Variants in VPS72 observed in about 807,000 individuals in gnomAD.
VPS72 encodes the protein vacuolar protein sorting 72 homolog, also known as vacuolar protein sorting-associated protein 72 homolog.
Under a neutral mutation model 38.9 loss-of-function variants are expected in VPS72, and 27 were observed. That is an observed-to-expected ratio of 0.69 (90% CI 0.51 to 0.96). The LOEUF is 0.96. VPS72 is among the 40% of genes least tolerant of loss of function. The pLI, the probability that VPS72 is intolerant of heterozygous loss-of-function variation, is 0.00. For synonymous variants in VPS72, 173 were observed against 186.3 expected, an observed-to-expected ratio of 0.93 and a Z score of 0.58; for missense variants, 360 against 479.5, an observed-to-expected ratio of 0.75 and a Z score of 2.33.
chr1:151,189,270 G>T (rs1197847464), intron 1 of VPS72, among the ~76,000 whole-genome samples: 1 of 152,128 alleles, frequency 6.6e-6, no homozygotes, highest in Non-Finnish European at 1.5e-5. Flanking sequence ...TATTACCGAT[G>T]GCATGCTCTG....
intron 4 of VPS72, among the ~76,000 whole-genome samples, chr1:151,181,136 T>C (rs796954604): frequency 5.3e-5 from 8 of 152,282 alleles, no homozygotes; most frequent in African/African-American, 1.9e-4. Context: ...ATTCCCATCA[T>C]CTTAGGGTCA....
At position 151,176,997 on chromosome 1, in the gene VPS72, G is replaced by A. The variant is rs1345281687; in HGVS notation, c.742C>T (p.Pro248Ser). Residue 248 changes from proline (P) to serine (S), a missense_variant, in exon 6 of 6, where the codon CCT becomes TCT. Coordinates refer to ENST00000368892, the MANE Select transcript of VPS72 (RefSeq NM_005997.3). The part of the protein sequence containing the change: ...DPAPSVSALT[P>S]HAGTGPVNPP... ...TTGACGGGTCCAGTCCCAGCATGAG[G>A]AGTCAATGCAGACACCGAGGGAGCA... The A allele has an allele frequency of 6.3e-7, 1 of 1,589,940 alleles. No individual in the cohort carries two copies. Among genetic ancestry groups the A allele is most frequent in the Non-Finnish European group, 8.6e-7 (1 of 1,166,064 alleles).
intron 4 of VPS72, among the ~76,000 whole-genome samples, chr1:151,179,975 C>CT (rs1468142035): frequency 6.6e-6 from 1 of 152,020 alleles, no homozygotes; most frequent in Non-Finnish European, 1.5e-5. Flanking sequence ...ATTTCTGTGT[C>CT]CTTAAATATG....
chr1:151,178,962 G>A (rs936622927), intron 4 of VPS72, among the ~76,000 whole-genome samples: 2 of 152,114 alleles, frequency 1.3e-5, no homozygotes, highest in Admixed American at 1.3e-4. Context: ...CACATTACAG[G>A]CACTCATTAA....
chr1:151,184,561 A>T (rs1422463607), intron 3 of VPS72, 68 bp from the exon 4 acceptor site: 11 of 1,451,122 alleles, frequency 7.6e-6, no homozygotes, highest in Non-Finnish European at 6.4e-6. Context: ...TTTATTTTGA[A>T]ATGTTGTACT....
intron 5 of VPS72, among the ~76,000 whole-genome samples, 159 bp downstream of exon 5, chr1:151,177,842 C>CAAAAAAAA (rs371399234): frequency 7.9e-6 from 1 of 126,016 alleles, no homozygotes; most frequent in Non-Finnish European, 1.7e-5. Flanking sequence ...CATCATGTCT[C>CAAAAAAAA]AAAAAAAAAA....
Position 151,184,509 on chromosome 1 carries a change from A to G in VPS72, c.386-16T>C. 6.3e-7 allele frequency: 1 copy of G among 1,580,336 alleles called. No individual in the cohort carries two copies. Among genetic ancestry groups the G allele is most frequent in the Non-Finnish European group, 8.6e-7 (1 of 1,158,492 alleles). ...GACTTCCGACCTGGAAGAGAGTGAGATAAGAAGAAATCTTTGAATTCATGT... is the reference window on the plus strand; with the variant it reads ...GACTTCCGACCTGGAAGAGAGTGAGGTAAGAAGAAATCTTTGAATTCATGT... On this transcript the variant is annotated splice_polypyrimidine_tract_variant and intron_variant, in intron 3 of 5. Coordinates refer to ENST00000368892, the MANE Select transcript of VPS72 (RefSeq NM_005997.3).
chr1:151,176,461 A>C lies in VPS72; in HGVS notation c.*183T>G. On this transcript the variant is annotated 3_prime_UTR_variant, in exon 6 of 6. Coordinates refer to ENST00000368892, the MANE Select transcript of VPS72 (RefSeq NM_005997.3). ...AACCCTAGACTGGACACCAGACAAA[A>C]GGGATCTTTCTATTTTATTAGATTA... 1 of 1,047,650 alleles carries C rather than the reference A, an allele frequency of 9.5e-7. No homozygotes were observed. 64.9% of individuals were successfully genotyped at this position (1,047,650 alleles called of 1,614,324 possible).
At chr1:151,189,909 T>C in intron 1 of VPS72, 96 bp downstream of exon 1, 7 of 1,398,116 alleles carry the variant, frequency 5.0e-6, no homozygotes, top group South Asian at 1.2e-5. Flanking sequence ...CCAGAGCTCC[T>C]CTCTATTCCC....
At chr1:151,180,349 T>C (rs1684212578) in intron 4 of VPS72, among the ~76,000 whole-genome samples, 1 of 151,886 alleles carries the variant, frequency 6.6e-6, no homozygotes, top group South Asian at 2.1e-4. Flanking sequence ...CTGGAAACCC[T>C]TCCAATGATT....
At chr1:151,188,046 G>GTT (rs756901934) in intron 1 of VPS72, among the ~76,000 whole-genome samples, 14 of 142,582 alleles carry the variant, frequency 9.8e-5, no homozygotes, top group Admixed American at 2.1e-4. Flanking sequence ...AGTGATGTGG[G>GTT]TTTTTTTTTT....
intron 5 of VPS72, 85 bp downstream of exon 5, chr1:151,177,916 G>A: frequency 6.8e-7 from 1 of 1,463,332 alleles, no homozygotes; most frequent in Non-Finnish European, 9.3e-7. Context: ...GTGTTAAGGA[G>A]AGCTGTGTGA....
intron 3 of VPS72, 61 bp from the exon 4 acceptor site, chr1:151,184,554 A>T: frequency 2.1e-5 from 30 of 1,414,364 alleles, no homozygotes; most frequent in South Asian, 4.5e-5. Flanking sequence ...TTATTTATTT[A>T]TTTTGAAATG....
chr1:151,179,099 T>C (rs1199145187), intron 4 of VPS72, among the ~76,000 whole-genome samples: 3 of 150,170 alleles, frequency 2.0e-5, no homozygotes, highest in Non-Finnish European at 4.4e-5. Flanking sequence ...CTGACCAACA[T>C]GGTGAAACCC....
intron 4 of VPS72, among the ~76,000 whole-genome samples, chr1:151,182,859 G>C (rs1412401265): frequency 1.3e-5 from 2 of 152,020 alleles, no homozygotes; most frequent in African/African-American, 4.8e-5. Context: ...ACTCTATCAG[G>C]CCTCTGTTTT....
At chr1:151,183,016 C>A (rs769172667) in intron 4 of VPS72, among the ~76,000 whole-genome samples, 27 of 152,196 alleles carry the variant, frequency 1.8e-4, no homozygotes, top group Non-Finnish European at 3.4e-4. Flanking sequence ...CCTCTCATCA[C>A]TGCATGAATT....
rs1372250140 is a variant in VPS72, at chr1:151,178,128, C to T, written c.580G>A (p.Glu194Lys). Reference sequence around the variant, plus strand: ...TGAACCTGCTTCTTTTTATCAGCCTCGAGCCGCTCATATGTCTCTTTAGGG... The same window carrying T: ...TGAACCTGCTTCTTTTTATCAGCCTTGAGCCGCTCATATGTCTCTTTAGGG... ...LRSLETYERL[E>K]ADKKKQVHKK... Residue 194 changes from glutamate (E) to lysine (K), a missense_variant, in exon 5 of 6, where the codon GAG (glutamate) becomes AAG (lysine). Transcript: ENST00000368892. The T allele has an allele frequency of 6.2e-6, 10 of 1,613,844 alleles. No individual in the cohort carries two copies. Among genetic ancestry groups the T allele is most frequent in the African/African-American group, 1.3e-5 (1 of 75,000 alleles).
In VPS72 at chr1:151,177,045, A is replaced by T. The variant is rs1038240367; in HGVS notation, c.708-14T>A. On this transcript the variant is annotated splice_polypyrimidine_tract_variant and intron_variant, in intron 5 of 5. Transcript: ENST00000368892. ...GCAGGATCAAGTCTGAGGACAAAAGACAAGGAAAAACACAAAGAGCTGAGG... is the reference window on the plus strand; with the variant it reads ...GCAGGATCAAGTCTGAGGACAAAAGTCAAGGAAAAACACAAAGAGCTGAGG... 7.2e-5 allele frequency: 110 copies of T among 1,531,132 alleles called. No homozygotes were observed. The highest frequency in any genetic ancestry group is 1.9e-4 in the Middle Eastern group (1 of 5,402). The allele number at this position is 1,531,132 out of a possible 1,614,324, so 94.8% of individuals were successfully genotyped here. A position where few individuals can be genotyped will look rare whatever the true frequency, so the allele number is the denominator to read the frequency against.
At chr1:151,182,596 C>G (rs1421347363) in intron 4 of VPS72, among the ~76,000 whole-genome samples, 1 of 152,140 alleles carries the variant, frequency 6.6e-6, no homozygotes. Flanking sequence ...AGTTTTGCTC[C>G]CCAATATACT....
Sources: gnomAD v4.1 joint callset for allele counts (sites outside exome capture counted in the v4.1 genomes callset) on GRCh38, gnomAD v4.1.1 for gene constraint, MANE v1.5 for transcripts, NCBI Gene and HGNC (gene_info 2026-07-23, HGNC 2026-07-21) for gene names.